Variants in SCN2A observed in about 807,000 individuals in gnomAD.
SCN2A encodes the protein sodium channel protein type 2 subunit alpha.
A neutral mutation model predicts 188.7 loss-of-function variants in SCN2A; 20 were observed. That is an observed-to-expected ratio of 0.11 (90% CI 0.07 to 0.15). The LOEUF (loss-of-function observed/expected upper bound fraction) is 0.15, where lower values mean the gene tolerates loss of function less well. Ranked by LOEUF, SCN2A falls within the 10% of genes least tolerant of loss-of-function variation. SCN2A has a pLI of 1.00. For missense variants in SCN2A, 1,278 were observed against 2,445.0 expected, an observed-to-expected ratio of 0.52 and a Z score of 10.07; for synonymous variants, 804 against 833.1, an observed-to-expected ratio of 0.97 and a Z score of 0.60.
intron 12 of SCN2A, among the ~76,000 whole-genome samples, chr2:165,324,189 A>G (rs1039694792): frequency 2.0e-5 from 3 of 152,142 alleles, no homozygotes; most frequent in African/African-American, 4.8e-5. Context: ...AGACACTTAC[A>G]GGGCTATATT....
intron 1 of SCN2A, among the ~76,000 whole-genome samples, chr2:165,275,501 C>G (rs922726603): frequency 2.0e-5 from 3 of 152,134 alleles, no homozygotes; most frequent in African/African-American, 7.2e-5. Flanking sequence ...AAGGTTTTGT[C>G]TGTTTGGTTC....
chr2:165,293,999 T>C (rs1344712150), intron 1 of SCN2A: 1 of 736,050 alleles, frequency 1.4e-6, no homozygotes, highest in Admixed American at 1.0e-4. Flanking sequence ...GTGTGGTCTT[T>C]GAAGGAGAAT....
At chr2:165,328,806 T>C (rs1404713588) in intron 13 of SCN2A, among the ~76,000 whole-genome samples, 2 of 152,268 alleles carry the variant, frequency 1.3e-5, no homozygotes, top group African/African-American at 4.8e-5. Flanking sequence ...GCAGAGCTTT[T>C]GACTTGTGTA....
At chr2:165,291,513 TCCTCTC>T (rs1696178056) in intron 1 of SCN2A, among the ~76,000 whole-genome samples, 1 of 102,612 alleles carries the variant, frequency 9.7e-6, no homozygotes, top group African/African-American at 3.6e-5. Context: ...CTTTCTTTCT[TCCTCTC>T]CTTTCTTTCC....
Position 165,354,448 on chromosome 2 carries a change from T to C in SCN2A, c.3176T>C (p.Ile1059Thr), listed in dbSNP as rs755305829. The C allele has an allele frequency of 5.0e-6, 8 of 1,614,080 alleles. No individual in the cohort carries two copies. Among genetic ancestry groups the C allele is most frequent in the South Asian group, 3.3e-5 (3 of 91,074 alleles). Residue 1059 changes from isoleucine (I) to threonine (T), a missense_variant, in exon 17 of 27, where the codon ATA becomes ACA. Transcript: ENST00000375437. ...AGCTGTATTTCCAACCATACCACCA[T>C]AGAAATAGGCAAAGACCTCAATTAT... is the stretch of plus-strand genomic sequence containing the variant. Reference protein sequence around the residue: ...KDSCISNHTTIEIGKDLNYLK... With the variant: ...KDSCISNHTTTEIGKDLNYLK...
At position 165,325,504 on chromosome 2, in the gene SCN2A, C is replaced by T. The variant is rs137884297; in HGVS notation, c.2017-1348C>T. On this transcript the variant is annotated intron_variant, in intron 12 of 26. Coordinates refer to ENST00000375437, the MANE Select transcript of SCN2A (RefSeq NM_001040142.2). ...AAAGCACATCATTTCCTGTACTTTA[C>T]ACATAAATTCAATCGAGTAATGTCA... 8.2e-3 allele frequency among the ~76,000 whole-genome samples: 1,247 copies of T among 152,250 alleles called. 24 individuals are homozygous for T. The highest frequency in any genetic ancestry group is 0.028 in the African/African-American group (1,154 of 41,538).
chr2:165,326,419 T>C (rs1325994584), intron 12 of SCN2A, among the ~76,000 whole-genome samples: 1 of 152,222 alleles, frequency 6.6e-6, no homozygotes, highest in Non-Finnish European at 1.5e-5. Flanking sequence ...CTGTTACTGA[T>C]GCATATGAAG....
chr2:165,251,946 T>C (rs1421873457), intron 1 of SCN2A, among the ~76,000 whole-genome samples: 1 of 152,064 alleles, frequency 6.6e-6, no homozygotes, highest in Non-Finnish European at 1.5e-5. Flanking sequence ...AAATTTAAAA[T>C]ATAAGGCTAC....
intron 1 of SCN2A, chr2:165,272,343 A>G (rs949943327): frequency 3.3e-5 from 5 of 152,098 alleles, no homozygotes; most frequent in Non-Finnish European, 7.4e-5. Context: ...AACAAAGTAG[A>G]ATTTCAAAAT....
intron 1 of SCN2A, among the ~76,000 whole-genome samples, chr2:165,278,629 A>G (rs1695449922): frequency 6.6e-6 from 1 of 152,162 alleles, no homozygotes; most frequent in Non-Finnish European, 1.5e-5. Context: ...GGGGGTTGGT[A>G]AGAGGGAAGA....
chr2:165,322,155 C>G (rs1214090880), intron 11 of SCN2A, among the ~76,000 whole-genome samples: 1 of 152,202 alleles, frequency 6.6e-6, no homozygotes, highest in Non-Finnish European at 1.5e-5. Flanking sequence ...CAGCTCCAAA[C>G]TTAAAGCCAA....
At chr2:165,304,575 C>T (rs1697016096) in intron 3 of SCN2A, among the ~76,000 whole-genome samples, 1 of 152,106 alleles carries the variant, frequency 6.6e-6, no homozygotes, top group African/African-American at 2.4e-5. Flanking sequence ...CCTCATGACG[C>T]TCAGAGAGTA....
chr2:165,245,541 C>G (rs1234145076), intron 1 of SCN2A: 1 of 152,194 alleles, frequency 6.6e-6, no homozygotes, highest in African/African-American at 2.4e-5. Flanking sequence ...CTATGTCTCC[C>G]CTGGATTGAG....
chr2:165,297,025 A>G lies in SCN2A; in HGVS notation c.276A>G (p.Ile92Met), dbSNP rs761549438. The G allele has an allele frequency of 2.5e-6, 4 of 1,577,754 alleles. No individual in the cohort carries two copies. The highest frequency in any genetic ancestry group is 1.7e-4 in the Middle Eastern group (1 of 5,964). Reference sequence around the variant, plus strand: ...TGTGTTTTCTTTTTCAGACGTTTATAGTATTGAATAAAGGGAAAGCAATCT... The same window carrying G: ...TGTGTTTTCTTTTTCAGACGTTTATGGTATTGAATAAAGGGAAAGCAATCT... The part of the protein sequence containing the change: ...DPYYINKKTF[I>M]VLNKGKAISR... The change falls in exon 3 of 27, where the codon ATA becomes ATG. Residue 92 changes from isoleucine to methionine, a missense_variant. By Grantham distance (10) the Ile-to-Met change is conservative. This residue lies in a region of SCN2A where 141 missense variants were observed against 185.4 expected (regional missense o/e 0.76). Coordinates refer to ENST00000375437, the MANE Select transcript of SCN2A (RefSeq NM_001040142.2).
chr2:165,389,807 A>C lies in SCN2A; in HGVS notation c.6001A>C (p.Arg2001=). The C allele has an allele frequency of 6.2e-7, 1 of 1,610,542 alleles. No homozygotes were observed. Among genetic ancestry groups the C allele is most frequent in the Non-Finnish European group, 8.5e-7 (1 of 1,178,210 alleles). Residue 2001 remains arginine, a synonymous_variant, in exon 27 of 27, where the codon AGG becomes CGG. Coordinates refer to ENST00000375437, the MANE Select transcript of SCN2A (RefSeq NM_001040142.2). The surrounding 1 kb of genome is among the most constrained non-coding windows in gnomAD (Gnocchi z 4.2). The stretch of plus-strand genomic sequence containing the variant: ...AAAGGAAGACAAAGGGAAAGATATC[A>C]GGGAAAGTAAAAAGTAAAAAGAAAC... ...SEKEDKGKDI[R]ESKK
chr2:165,315,414 CATG>C (rs1160959975), intron 10 of SCN2A, 54 bp from the exon 11 acceptor site: 1 of 1,608,842 alleles, frequency 6.2e-7, no homozygotes. Context: ...TAAGCAGTAA[CATG>C]ATAATTACTT....
chr2:165,344,992 TG>T lies in SCN2A; in HGVS notation c.2919+82del, dbSNP rs1296175754. On this transcript the variant is annotated intron_variant, in intron 16 of 26. Coordinates refer to ENST00000375437, the MANE Select transcript of SCN2A (RefSeq NM_001040142.2). ...AAGTGTGTTCAACTGAAGAATATTT[TG>T]TATTTTTTAAATCAAGGCCACTTCC... is the stretch of plus-strand genomic sequence containing the variant. The T allele has an allele frequency of 2.0e-5, 31 of 1,579,474 alleles. No individual in the cohort carries two copies. In the East Asian group the frequency reaches 6.7e-4, roughly 34 times the overall value.
chr2:165,294,273 C>A, intron 1 of SCN2A: 2 of 256,042 alleles, frequency 7.8e-6, no homozygotes, highest in Non-Finnish European at 1.2e-5. Context: ...CATGTCTCTT[C>A]TATTAGAGAA....
intron 1 of SCN2A, among the ~76,000 whole-genome samples, chr2:165,251,167 G>A (rs1010872420): frequency 2.6e-5 from 4 of 151,978 alleles, no homozygotes; most frequent in African/African-American, 9.7e-5. Context: ...ATGGACTCAG[G>A]AATATGTAAG....
Sources: gnomAD v4.1 joint callset for allele counts (sites outside exome capture counted in the v4.1 genomes callset) on GRCh38, gnomAD v4.1.1 for gene constraint, gnomAD v4.1.1 regional missense constraint, Gnocchi (gnomAD v3.1) non-coding constraint, MANE v1.5 for transcripts, NCBI Gene and HGNC (gene_info 2026-07-23, HGNC 2026-07-21) for gene names.